Variants in CACNA2D4 observed in about 807,000 individuals in gnomAD.
CACNA2D4 encodes calcium voltage-gated channel auxiliary subunit alpha2delta 4, also known as voltage-dependent calcium channel subunit alpha-2/delta-4.
Under a neutral mutation model 163.8 loss-of-function variants are expected in CACNA2D4, and 157 were observed. The observed-to-expected ratio is 0.96, with a 90% CI of 0.84 to 1.09. The LOEUF is 1.09. Ranked by LOEUF, CACNA2D4 falls within the 50% of genes least tolerant of loss-of-function variation. The pLI is 0.00. For missense variants in CACNA2D4, 1,410 were observed against 1,479.9 expected (o/e 0.95, Z 0.78); for synonymous variants, 598 against 586.9 (o/e 1.02, Z -0.27).
At chr12:1,825,489 C>T (rs1458668648) in intron 26 of CACNA2D4, among the ~76,000 whole-genome samples, 4 of 152,284 alleles carry the variant, frequency 2.6e-5, no homozygotes, top group Admixed American at 1.3e-4. Flanking sequence ...AGGCTGGAGG[C>T]GGCTTACACA....
intron 6 of CACNA2D4, among the ~76,000 whole-genome samples, chr12:1,895,037 A>C (rs376816217): frequency 3.9e-5 from 6 of 152,306 alleles, no homozygotes; most frequent in African/African-American, 1.2e-4. Context: ...CATTCAGTAC[A>C]GTTACAGGAT....
chr12:1,891,740 G>A (rs983931405), intron 6 of CACNA2D4, among the ~76,000 whole-genome samples: 8 of 151,780 alleles, frequency 5.3e-5, no homozygotes, highest in Non-Finnish European at 7.4e-5. Context: ...TCATTACAAA[G>A]AACCAAACAG....
rs754970682 is a variant in CACNA2D4, at chr12:1,878,320, G to T, written c.1714C>A (p.Pro572Thr). ...GYILSHPDLR[P>T]LYREGKKLKP... ...CAAAGAAGATCTGTACCTACCAGGG[G>T]CCGGAGGTCGGGATGGGAGAGGATG... The change falls in exon 16 of 38, where the codon CCC becomes ACC. Residue 572 changes from proline to threonine, a missense_variant. Transcript: ENST00000382722. The surrounding 1 kb of genome is among the most constrained non-coding windows in gnomAD (Gnocchi z 4.6). 2.1e-5 allele frequency: 33 copies of T among 1,608,922 alleles called. No individual in the cohort carries two copies. The East Asian group carries it at 7.4e-4, about 36-fold the overall frequency.
At chr12:1,913,239 G>A (rs1866879582) in intron 2 of CACNA2D4, 100 bp from the exon 3 acceptor site, 6 of 811,732 alleles carry the variant, frequency 7.4e-6, no homozygotes, top group South Asian at 1.5e-5. Flanking sequence ...GATGCATTCC[G>A]GCACATGGAG....
Position 1,917,707 on chromosome 12 carries a change from G to A in CACNA2D4, c.227+540C>T, listed in dbSNP as rs1256045401. The stretch of plus-strand genomic sequence containing the variant: ...AATCAAGGTTGGAAGGAGGCAGAAA[G>A]GTGTAGAAAGGGAAGACTGCGGCCA... On this transcript the variant is annotated intron_variant, in intron 1 of 37. Transcript: ENST00000382722. The surrounding 1 kb of genome is among the most constrained non-coding windows in gnomAD (Gnocchi z 4.3). Among the ~76,000 whole-genome samples, 1 of 152,192 alleles carries A rather than the reference G, an allele frequency of 6.6e-6. No homozygotes were observed. Among genetic ancestry groups the A allele is most frequent in the Non-Finnish European group, 1.5e-5 (1 of 68,036 alleles).
Position 1,901,387 on chromosome 12 carries a change from A to C in CACNA2D4, c.781+6053T>G, listed in dbSNP as rs138863944. Among the ~76,000 whole-genome samples, 62 of 152,200 alleles carry C rather than the reference A, an allele frequency of 4.1e-4. No homozygotes were observed. The East Asian group carries it at 0.011, about 27-fold the overall frequency. On this transcript the variant is annotated intron_variant, in intron 6 of 37. Transcript: ENST00000382722. The stretch of plus-strand genomic sequence containing the variant: ...GAAATTGAAATGATAAAAAAACCCA[A>C]AGATCAATGAAATGAAAAGTTGGTT...
chr12:1,856,985 C>T (rs570787604), intron 20 of CACNA2D4, among the ~76,000 whole-genome samples: 62 of 152,308 alleles, frequency 4.1e-4, no homozygotes, highest in South Asian at 3.5e-3. Context: ...CAGGAGACTC[C>T]GGGATTCCAA....
intron 36 of CACNA2D4, 115 bp downstream of exon 36, chr12:1,795,553 T>A (rs568217479): frequency 1.2e-6 from 1 of 836,652 alleles, no homozygotes; most frequent in African/African-American, 2.4e-5. Context: ...AACGGAGCCC[T>A]GTGGAGGACA....
intron 2 of CACNA2D4, among the ~76,000 whole-genome samples, chr12:1,914,159 A>G (rs1370006127): frequency 6.6e-6 from 1 of 152,214 alleles, no homozygotes; most frequent in Non-Finnish European, 1.5e-5. Flanking sequence ...CCTGGGATTC[A>G]GGATCTTTGT....
At chr12:1,797,339 C>T (rs937723686) in intron 35 of CACNA2D4, 79 bp downstream of exon 35, 10 of 1,078,432 alleles carry the variant, frequency 9.3e-6, no homozygotes, top group African/African-American at 1.6e-5. Context: ...CCGGGGGTTC[C>T]GGGGCCCTGC....
rs572396211 is a variant in CACNA2D4, at chr12:1,879,036, G to A, written c.1564C>T (p.Arg522Ter). 32 of 1,613,368 alleles carry A rather than the reference G, an allele frequency of 2.0e-5. No individual in the cohort carries two copies. The highest frequency in any genetic ancestry group is 6.7e-5 in the Admixed American group (4 of 60,008). ...MPVFSKKNET[R>*]SHGILLGVVG... is the part of the protein sequence containing the mutation. ...ACACCCAGGAGAATGCCATGGGATC[G>A]CTGGAAGGAAAGACACAAGGGGTGG... Residue 522 changes from arginine to a stop codon, truncating the protein, a stop_gained and splice_region_variant, in exon 15 of 38, where the codon CGA becomes TGA. Coordinates refer to ENST00000382722, the MANE Select transcript of CACNA2D4 (RefSeq NM_172364.5). LOFTEE classifies it high-confidence loss of function.
At chr12:1,818,140 C>G (rs548916978) in intron 26 of CACNA2D4, among the ~76,000 whole-genome samples, 16 of 151,236 alleles carry the variant, frequency 1.1e-4, no homozygotes, top group African/African-American at 3.7e-4. Context: ...GCCGCGACCC[C>G]GTCTGGGAAG....
intron 26 of CACNA2D4, chr12:1,831,183 C>T (rs988240534): frequency 2.5e-6 from 4 of 1,613,802 alleles, no homozygotes; most frequent in African/African-American, 1.3e-5. Context: ...CTTCCTGGAC[C>T]GGCTGCCCCG....
At position 1,878,574 on chromosome 12, in the gene CACNA2D4, C is replaced by A; in HGVS notation, c.1645-185G>T. 1 of 1,113,718 alleles carries A rather than the reference C, an allele frequency of 9.0e-7. No individual in the cohort carries two copies. The highest frequency in any genetic ancestry group is 1.4e-5 in the South Asian group (1 of 74,048). 69.0% of individuals were successfully genotyped at this position (1,113,718 alleles called of 1,614,324 possible). ...ATTGATTGAGGAGTCCTTTCCAAACCGGACTGTTTATAGCAACCGTCATCA... is the reference window on the plus strand; with the variant it reads ...ATTGATTGAGGAGTCCTTTCCAAACAGGACTGTTTATAGCAACCGTCATCA... On this transcript the variant is annotated intron_variant, in intron 15 of 37. Coordinates refer to ENST00000382722, the MANE Select transcript of CACNA2D4 (RefSeq NM_172364.5). This position sits in a 1 kb window ranked among gnomAD's most constrained non-coding sequence, Gnocchi z 4.6.
At chr12:1,847,350 T>C (rs1021540083) in intron 23 of CACNA2D4, among the ~76,000 whole-genome samples, 6 of 152,170 alleles carry the variant, frequency 3.9e-5, no homozygotes, top group Admixed American at 3.9e-4. Flanking sequence ...ATTACCTAGT[T>C]CCTCTCCATG....
At position 1,820,981 on chromosome 12, in the gene CACNA2D4, C is replaced by T. The variant is rs1447399905; in HGVS notation, c.2552-9258G>A. Among the ~76,000 whole-genome samples the T allele has an allele frequency of 6.6e-6, 1 of 152,216 alleles. No individual in the cohort carries two copies. Among genetic ancestry groups the T allele is most frequent in the Admixed American group, 6.5e-5 (1 of 15,282 alleles). On this transcript the variant is annotated intron_variant, in intron 26 of 37. Transcript: ENST00000382722. The surrounding 1 kb of genome is among the most constrained non-coding windows in gnomAD (Gnocchi z 6.0). ...CGAAGAAGCTGCTCGGGCTCAGGCA[C>T]CTGAGCATCCCAAAGGTGCACGACA...
rs1358377448 is a variant in CACNA2D4, at chr12:1,799,641, C to G, written c.2995+34G>C. The G allele has an allele frequency of 1.3e-6, 2 of 1,559,686 alleles. No individual in the cohort carries two copies. The highest frequency in any genetic ancestry group is 1.7e-6 in the Non-Finnish European group (2 of 1,151,810). On this transcript the variant is annotated intron_variant, in intron 34 of 37. Coordinates refer to ENST00000382722, the MANE Select transcript of CACNA2D4 (RefSeq NM_172364.5). The surrounding 1 kb of genome is among the most constrained non-coding windows in gnomAD (Gnocchi z 4.7). ...AGCTCCTGCTGCGTCCCCAACCCAC[C>G]GCCAGCAGGGATGGCCTCAGCTGGG...
At chr12:1,902,866 CA>C (rs1866568909) in intron 6 of CACNA2D4, among the ~76,000 whole-genome samples, 1 of 151,904 alleles carries the variant, frequency 6.6e-6, no homozygotes, top group Non-Finnish European at 1.5e-5. Flanking sequence ...AGAAACAATT[CA>C]AAAATGTATA....
At chr12:1,838,197 C>T (rs756619305) in intron 26 of CACNA2D4, among the ~76,000 whole-genome samples, 6 of 152,222 alleles carry the variant, frequency 3.9e-5, no homozygotes, top group African/African-American at 7.2e-5. Context: ...GGGATGAACG[C>T]GATCTCTACT....
Sources: gnomAD v4.1 joint callset for allele counts (sites outside exome capture counted in the v4.1 genomes callset) on GRCh38, gnomAD v4.1.1 for gene constraint, Gnocchi (gnomAD v3.1) non-coding constraint, MANE v1.5 for transcripts, NCBI Gene and HGNC (gene_info 2026-07-23, HGNC 2026-07-21) for gene names.